SPIRE1: variants seen among roughly 807,000 people sequenced by gnomAD.
SPIRE1 encodes spire type actin nucleation factor 1, also known as protein spire homolog 1.
Under a neutral mutation model 94.1 loss-of-function variants are expected in SPIRE1, and 40 were observed. That is an observed-to-expected ratio of 0.43 (90% CI 0.33 to 0.55). The LOEUF (loss-of-function observed/expected upper bound fraction) is 0.55, where lower values mean the gene tolerates loss of function less well. Ranked by LOEUF, SPIRE1 falls within the 20% of genes least tolerant of loss-of-function variation. SPIRE1 has a pLI of 0.06. For missense variants in SPIRE1, 838 were observed against 975.2 expected, an observed-to-expected ratio of 0.86 and a Z score of 1.87; for synonymous variants, 376 against 371.7, an observed-to-expected ratio of 1.01 and a Z score of -0.13.
intron 2 of SPIRE1, among the ~76,000 whole-genome samples, chr18:12,631,722 G>A (rs376593318): frequency 5.1e-4 from 78 of 152,080 alleles, no homozygotes; most frequent in African/African-American, 1.6e-3. Context: ...AAAATTAGCC[G>A]GGCATCATGG....
chr18:12,479,693 C>A lies in SPIRE1; in HGVS notation c.1404+6G>T. On this transcript the variant is annotated splice_donor_region_variant and intron_variant, in intron 10 of 16. Transcript: ENST00000409402. ...GGGAGTCAAGCTGGGTGAACTGGGG[C>A]CTCACCTCAGACTCAGAGCTGTCCA... 6.3e-7 allele frequency: 1 copy of A among 1,599,258 alleles called. No individual in the cohort carries two copies.
intron 2 of SPIRE1, among the ~76,000 whole-genome samples, chr18:12,634,456 G>A (rs1299930403): frequency 6.6e-6 from 1 of 151,696 alleles, no homozygotes; most frequent in African/African-American, 2.4e-5. Context: ...AAAAAAAACT[G>A]AAATTACTAA....
At chr18:12,598,924 T>C (rs2036755211) in intron 2 of SPIRE1, among the ~76,000 whole-genome samples, 1 of 152,218 alleles carries the variant, frequency 6.6e-6, no homozygotes, top group African/African-American at 2.4e-5. Context: ...ATTTTAAACT[T>C]ACAGAAACGC....
chr18:12,455,997 G>A (rs2031490012), intron 12 of SPIRE1, among the ~76,000 whole-genome samples: 2 of 152,136 alleles, frequency 1.3e-5, no homozygotes, highest in South Asian at 4.1e-4. Context: ...AAAAATCAAT[G>A]CAAAACCATC....
At chr18:12,631,893 A>T (rs976596810) in intron 2 of SPIRE1, among the ~76,000 whole-genome samples, 3 of 152,052 alleles carry the variant, frequency 2.0e-5, no homozygotes, top group Non-Finnish European at 2.9e-5. Flanking sequence ...AAAAAATAAA[A>T]AACTGTCCAG....
intron 6 of SPIRE1, among the ~76,000 whole-genome samples, chr18:12,501,072 CAAAA>C (rs67894900): frequency 1.2e-5 from 1 of 80,228 alleles, no homozygotes; most frequent in Non-Finnish European, 2.3e-5. Flanking sequence ...AACTCTGTCT[CAAAA>C]AAAAAAAAAA....
intron 2 of SPIRE1, among the ~76,000 whole-genome samples, chr18:12,565,848 A>G (rs974704085): frequency 4.6e-5 from 7 of 151,448 alleles, no homozygotes; most frequent in Admixed American, 1.3e-4. Flanking sequence ...AGCCTGGCCA[A>G]TATGGTGAAA....
intron 10 of SPIRE1, among the ~76,000 whole-genome samples, chr18:12,469,051 G>A (rs1206810610): frequency 3.3e-5 from 5 of 152,012 alleles, no homozygotes; most frequent in Non-Finnish European, 5.9e-5. Flanking sequence ...GTGACAGAGC[G>A]AAACCCTGTC....
At chr18:12,561,120 C>A (rs564393472) in intron 2 of SPIRE1, among the ~76,000 whole-genome samples, 1 of 152,008 alleles carries the variant, frequency 6.6e-6, no homozygotes, top group African/African-American at 2.4e-5. Context: ...CATATCCCCA[C>A]AAATTAAAAA....
At chr18:12,489,926 T>C (rs2033173249) in intron 8 of SPIRE1, among the ~76,000 whole-genome samples, 2 of 152,226 alleles carry the variant, frequency 1.3e-5, no homozygotes, top group South Asian at 4.1e-4. Context: ...GAGCTCCTAC[T>C]TGCAATTACA....
chr18:12,524,648 C>A lies in SPIRE1; in HGVS notation c.729+10828G>T, dbSNP rs775597571. On this transcript the variant is annotated intron_variant, in intron 4 of 16. Transcript: ENST00000409402. The stretch of plus-strand genomic sequence containing the variant: ...GCCGGGATTATAAGGCATGAGACAC[C>A]GTGCCTGGTGAATTGTGCAGAATTA... Among the ~76,000 whole-genome samples, 4 of 152,042 alleles carry A rather than the reference C, an allele frequency of 2.6e-5. No individual in the cohort carries two copies. In the South Asian group the frequency reaches 8.3e-4, roughly 32 times the overall value.
intron 2 of SPIRE1, among the ~76,000 whole-genome samples, chr18:12,627,483 C>T (rs2037665467): frequency 6.6e-6 from 1 of 152,114 alleles, no homozygotes; most frequent in Non-Finnish European, 1.5e-5. Context: ...TGGGTTGGTT[C>T]CAAGCCTGCT....
At chr18:12,578,992 G>A (rs1326099001) in intron 2 of SPIRE1, among the ~76,000 whole-genome samples, 2 of 151,954 alleles carry the variant, frequency 1.3e-5, no homozygotes, top group Non-Finnish European at 2.9e-5. Context: ...AATCATCATA[G>A]GAACTTGACC....
intron 2 of SPIRE1, among the ~76,000 whole-genome samples, chr18:12,567,370 T>C (rs904328599): frequency 1.3e-5 from 2 of 152,186 alleles, no homozygotes; most frequent in South Asian, 2.1e-4. Context: ...GGAAGACTCA[T>C]TGTCAAGATG....
At chr18:12,658,131 G>T (rs2038614056), upstream of SPIRE1, 2 of 960,818 alleles carry the variant, frequency 2.1e-6, no homozygotes, top group South Asian at 4.2e-5. Flanking sequence ...GCCCCGCCCC[G>T]CCTCGCGCCG....
chr18:12,491,506 T>C (rs2033233532), intron 8 of SPIRE1, among the ~76,000 whole-genome samples: 2 of 151,510 alleles, frequency 1.3e-5, no homozygotes, highest in Admixed American at 1.3e-4. Context: ...CTTTTTTTTT[T>C]CTTTCTTTCT....
At chr18:12,626,887 T>TATATATATATATATATATATATATATA (rs1555634099) in intron 2 of SPIRE1, among the ~76,000 whole-genome samples, 1 of 53,520 alleles carries the variant, frequency 1.9e-5, no homozygotes, top group African/African-American at 4.5e-5. Flanking sequence ...TATATATATA[T>TATATATATATATATATATATATATATA]TTTTTTTTTT....
intron 2 of SPIRE1, among the ~76,000 whole-genome samples, chr18:12,566,035 C>CAAA (rs952452042): frequency 2.9e-5 from 4 of 139,594 alleles, no homozygotes; most frequent in African/African-American, 1.1e-4. Context: ...AACAAACAAA[C>CAAA]AAAAAAAAAA....
chr18:12,451,225 G>A (rs2031222505), intron 16 of SPIRE1, among the ~76,000 whole-genome samples: 1 of 152,072 alleles, frequency 6.6e-6, no homozygotes, highest in Non-Finnish European at 1.5e-5. Context: ...TTAATCCCAT[G>A]ACACATCCTA....
Sources: gnomAD v4.1 joint callset for allele counts (sites outside exome capture counted in the v4.1 genomes callset) on GRCh38, gnomAD v4.1.1 for gene constraint, MANE v1.5 for transcripts, NCBI Gene and HGNC (gene_info 2026-07-23, HGNC 2026-07-21) for gene names.